The following DNAH8 variants were observed in gnomAD, a reference collection of about 807,000 sequenced individuals.
DNAH8 encodes dynein axonemal heavy chain 8.
DNAH8 carries 382 observed loss-of-function variants against 562.1 expected under a neutral mutation model. The ratio of observed to expected loss-of-function variants is 0.68; its 90% confidence interval spans 0.63 to 0.74. The LOEUF is 0.74. DNAH8 is among the 30% of genes least tolerant of loss of function. The pLI is 0.00. For synonymous variants in DNAH8, 1,881 were observed against 1,919.4 expected (o/e 0.98, Z 0.52); for missense variants, 5,203 against 5,620.4 (o/e 0.93, Z 2.37).
At chr6:38,867,499 T>A (rs1409183583) in intron 47 of DNAH8, among the ~76,000 whole-genome samples, 1 of 151,872 alleles carries the variant, frequency 6.6e-6, no homozygotes, top group Admixed American at 6.6e-5. Context: ...AATCCCAGCA[T>A]TCTGGGAGGC....
At chr6:38,827,058 T>C (rs537629759) in intron 29 of DNAH8, among the ~76,000 whole-genome samples, 33 of 152,244 alleles carry the variant, frequency 2.2e-4, no homozygotes, top group African/African-American at 7.5e-4. Context: ...CATTCCCTCC[T>C]TTTTCTAGCT....
At chr6:38,961,467 T>G (rs892975904) in intron 82 of DNAH8, among the ~76,000 whole-genome samples, 8 of 151,880 alleles carry the variant, frequency 5.3e-5, no homozygotes, top group African/African-American at 1.7e-4. Context: ...AAGGAAGAAT[T>G]CAATAGAACA....
chr6:38,715,386 G>A lies in DNAH8; in HGVS notation c.-64G>A, dbSNP rs1191361667. 1 of 152,386 alleles carries A rather than the reference G, an allele frequency of 6.6e-6. No individual in the cohort carries two copies. The highest frequency in any genetic ancestry group is 2.4e-5 in the African/African-American group (1 of 41,478). 9.4% of individuals were successfully genotyped at this position (152,386 alleles called of 1,614,324 possible). On this transcript the variant is annotated 5_prime_UTR_variant, in exon 1 of 93. Coordinates refer to ENST00000327475, the MANE Select transcript of DNAH8 (RefSeq NM_001206927.2). ...GGGGCCGGCCTCAGTGGGCTGAGTG[G>A]TCGGGGCATCGGGGCCCAGAGAGCG...
At chr6:38,968,044 G>A (rs555062840) in intron 82 of DNAH8, among the ~76,000 whole-genome samples, 69 of 152,144 alleles carry the variant, frequency 4.5e-4, no homozygotes, top group Non-Finnish European at 7.6e-4. Flanking sequence ...TGCAATGTTG[G>A]AAAAGACAAT....
At chr6:38,739,490 T>G (rs1764359668) in intron 7 of DNAH8, among the ~76,000 whole-genome samples, 1 of 152,152 alleles carries the variant, frequency 6.6e-6, no homozygotes, top group Non-Finnish European at 1.5e-5. Context: ...AATGAACACC[T>G]GTGTAACCTT....
intron 16 of DNAH8, among the ~76,000 whole-genome samples, chr6:38,782,208 C>G (rs1768690030): frequency 2.0e-5 from 3 of 151,984 alleles, no homozygotes; most frequent in Admixed American, 1.3e-4. Context: ...AGAGATTGCC[C>G]TGTTTGACAT....
intron 60 of DNAH8, among the ~76,000 whole-genome samples, chr6:38,896,829 C>T (rs1779728764): frequency 6.6e-6 from 1 of 152,090 alleles, no homozygotes; most frequent in Non-Finnish European, 1.5e-5. Context: ...TCTGTCACCC[C>T]AGGCTGGAGC....
At chr6:38,948,969 C>T (rs937882909) in intron 80 of DNAH8, among the ~76,000 whole-genome samples, 15 of 152,122 alleles carry the variant, frequency 9.9e-5, no homozygotes, top group Non-Finnish European at 5.9e-5. Context: ...AATGGTCTGT[C>T]AGTGGTTCTC....
At chr6:38,938,268 G>A in intron 78 of DNAH8, 42 bp downstream of exon 78, 2 of 1,567,180 alleles carry the variant, frequency 1.3e-6, no homozygotes, top group African/African-American at 2.7e-5. Context: ...TGACTTAAAA[G>A]TTTGCTTGTA....
At chr6:38,988,445 G>A (rs1423181095) in intron 87 of DNAH8, among the ~76,000 whole-genome samples, 1 of 152,156 alleles carries the variant, frequency 6.6e-6, no homozygotes, top group Non-Finnish European at 1.5e-5. Context: ...AGGACCCAGG[G>A]CCTTTGCCCC....
chr6:39,029,536 G>A (rs557080705), intron 92 of DNAH8, among the ~76,000 whole-genome samples: 1 of 152,326 alleles, frequency 6.6e-6, no homozygotes, highest in African/African-American at 2.4e-5. Context: ...AGGGCCTATT[G>A]TATGAGAGAG....
intron 74 of DNAH8, among the ~76,000 whole-genome samples, chr6:38,926,456 G>T (rs1003022523): frequency 6.6e-6 from 1 of 151,942 alleles, no homozygotes; most frequent in Non-Finnish European, 1.5e-5. Context: ...TGCTAATGTC[G>T]AATGTGGCTT....
intron 12 of DNAH8, among the ~76,000 whole-genome samples, chr6:38,771,409 A>G (rs1156981040): frequency 6.6e-6 from 1 of 152,180 alleles, no homozygotes; most frequent in Non-Finnish European, 1.5e-5. Flanking sequence ...TAATTAATAT[A>G]CTATTTACCC....
Position 38,770,512 on chromosome 6 carries a change from A to G in DNAH8, c.1717A>G (p.Met573Val), listed in dbSNP as rs759089510. The change falls in exon 12 of 93, where the codon ATG (methionine) becomes GTG (valine). Residue 573 changes from methionine (M) to valine (V), a missense_variant. This residue lies in a region of DNAH8 where 2,176 missense variants were observed against 2,365.1 expected (regional missense o/e 0.92). Transcript: ENST00000327475. ...GGAAAAATCTTTTGAGGTTTCAGAA[A>G]TGTATATATTTGGAAAATTTGAAGC... ...SGEKSFEVSE[M>V]YIFGKFEAFC... 6.8e-6 allele frequency: 11 copies of G among 1,606,388 alleles called. No individual in the cohort carries two copies. Among genetic ancestry groups the G allele is most frequent in the South Asian group, 2.2e-5 (2 of 88,952 alleles).
chr6:38,807,956 C>A (rs575856231), intron 24 of DNAH8, among the ~76,000 whole-genome samples: 23 of 152,334 alleles, frequency 1.5e-4, no homozygotes, highest in African/African-American at 4.8e-4. Flanking sequence ...TCCCTTCTCA[C>A]CTAAAAGTAA....
chr6:38,819,409 C>T (rs1325573808), intron 26 of DNAH8, among the ~76,000 whole-genome samples: 1 of 152,058 alleles, frequency 6.6e-6, no homozygotes, highest in Non-Finnish European at 1.5e-5. Context: ...ATTCATTTTT[C>T]TTCTTATTTA....
At chr6:38,861,865 G>A (rs1380554952) in intron 43 of DNAH8, among the ~76,000 whole-genome samples, 1 of 151,654 alleles carries the variant, frequency 6.6e-6, no homozygotes, top group Non-Finnish European at 1.5e-5. Flanking sequence ...ATTTTGCCCC[G>A]ACTTTGTGAT....
At chr6:38,906,456 A>G (rs758700076) in intron 63 of DNAH8, 49 bp downstream of exon 63, 47 of 1,378,590 alleles carry the variant, frequency 3.4e-5, no homozygotes, top group Middle Eastern at 5.4e-4. Flanking sequence ...AATATAAATT[A>G]TATTGGAATA....
intron 82 of DNAH8, among the ~76,000 whole-genome samples, chr6:38,960,351 T>G (rs1762527100): frequency 6.6e-6 from 1 of 151,678 alleles, no homozygotes; most frequent in African/African-American, 2.4e-5. Flanking sequence ...GGAGAAAATA[T>G]TTGCAAACTA....
Sources: allele counts gnomAD v4.1 joint callset (sites outside exome capture counted in the v4.1 genomes callset), GRCh38; gene constraint gnomAD v4.1.1; regional missense constraint gnomAD v4.1.1; transcripts MANE v1.5; gene names NCBI Gene and HGNC (gene_info 2026-07-23, HGNC 2026-07-21).